Variants in CNTN5 observed in about 807,000 individuals in gnomAD.
CNTN5 encodes contactin 5, also known as contactin-5.
Under a neutral mutation model 129.1 loss-of-function variants are expected in CNTN5, and 77 were observed. The observed-to-expected ratio is 0.60, with a 90% confidence interval of 0.50 to 0.72. CNTN5 has a LOEUF of 0.72. Ranked by LOEUF, CNTN5 falls within the 30% of genes least tolerant of loss-of-function variation. The pLI is 0.00. For missense variants in CNTN5, 1,478 were observed against 1,328.8 expected (o/e 1.11, Z -1.75); for synonymous variants, 509 against 465.6 (o/e 1.09, Z -1.20).
At chr11:100,292,470 A>G (rs1365123642) in intron 18 of CNTN5, among the ~76,000 whole-genome samples, 1 of 151,966 alleles carries the variant, frequency 6.6e-6, no homozygotes, top group African/African-American at 2.4e-5. Flanking sequence ...AGGAACTATT[A>G]TTTATTGTTC....
At chr11:99,979,105 C>T (rs866004145) in intron 8 of CNTN5, among the ~76,000 whole-genome samples, 2 of 152,104 alleles carry the variant, frequency 1.3e-5, no homozygotes, top group South Asian at 2.1e-4. Flanking sequence ...AAGAATCTGG[C>T]ATGCACAGAT....
At chr11:100,308,685 A>C in intron 21 of CNTN5, 1 of 1,146,698 alleles carries the variant, frequency 8.7e-7, no homozygotes, top group South Asian at 4.1e-5. Context: ...CACTATGCAA[A>C]GATGTTTTTA....
chr11:99,614,661 T>G (rs1443204129), intron 3 of CNTN5, among the ~76,000 whole-genome samples: 2 of 152,224 alleles, frequency 1.3e-5, no homozygotes, highest in African/African-American at 4.8e-5. Flanking sequence ...GACAATCTGT[T>G]ACAGATCTTT....
chr11:99,519,839 C>T (rs1296612957), intron 2 of CNTN5, among the ~76,000 whole-genome samples: 2 of 152,090 alleles, frequency 1.3e-5, no homozygotes, highest in African/African-American at 2.4e-5. Context: ...CTCACCCTAA[C>T]TAGACTGCAG....
At chr11:99,655,637 C>T (rs973438216) in intron 3 of CNTN5, among the ~76,000 whole-genome samples, 4 of 152,034 alleles carry the variant, frequency 2.6e-5, no homozygotes, top group South Asian at 4.1e-4. Context: ...GCTTTGAACA[C>T]GGAATACTGA....
At chr11:99,073,379 T>G (rs768955843) in intron 1 of CNTN5, among the ~76,000 whole-genome samples, 2,490 of 147,284 alleles carry the variant, frequency 0.017, 31 homozygotes, top group South Asian at 0.064. Context: ...GTTTGGTTTT[T>G]TTTTTTTTTT....
At chr11:100,298,438 G>A (rs1313454441) in intron 19 of CNTN5, among the ~76,000 whole-genome samples, 2 of 150,942 alleles carry the variant, frequency 1.3e-5, no homozygotes, top group Non-Finnish European at 3.0e-5. Flanking sequence ...TTAATATAAC[G>A]GGCTTTGTTT....
chr11:100,332,957 C>T (rs1174880638), intron 21 of CNTN5, among the ~76,000 whole-genome samples: 1 of 151,952 alleles, frequency 6.6e-6, no homozygotes, highest in Admixed American at 6.6e-5. Flanking sequence ...AATCAGACAA[C>T]AGAAAGAAAT....
At chr11:99,403,281 T>G (rs928995351) in intron 2 of CNTN5, among the ~76,000 whole-genome samples, 1 of 152,156 alleles carries the variant, frequency 6.6e-6, no homozygotes, top group African/African-American at 2.4e-5. Context: ...ATTACAGGCA[T>G]AAGCCACCAC....
At chr11:100,288,767 A>T (rs1299084902) in intron 18 of CNTN5, among the ~76,000 whole-genome samples, 2 of 152,142 alleles carry the variant, frequency 1.3e-5, no homozygotes, top group Non-Finnish European at 2.9e-5. Flanking sequence ...TCAGAGCAGA[A>T]CTGAAGGAAA....
rs888033644 is a variant in CNTN5, at chr11:100,309,738, C to G, written c.2730+1270C>G. ...GCACAATTAGCCCCTTTCTATCCAACCGTAGAAGACACTGTGGTGGTTTGT... is the reference window on the plus strand; with the variant it reads ...GCACAATTAGCCCCTTTCTATCCAAGCGTAGAAGACACTGTGGTGGTTTGT... On this transcript the variant is annotated intron_variant, in intron 21 of 24. Coordinates refer to ENST00000524871, the MANE Select transcript of CNTN5 (RefSeq NM_014361.4). The G allele has an allele frequency of 8.2e-6, 8 of 980,906 alleles. No homozygotes were observed. In the African/African-American group the frequency reaches 1.4e-4, roughly 17 times the overall value. The allele number at this position is 980,906 out of a possible 1,614,324, so 60.8% of individuals were successfully genotyped here.
chr11:99,355,821 GTTTT>G (rs386756715), intron 2 of CNTN5, among the ~76,000 whole-genome samples: 1 of 131,136 alleles, frequency 7.6e-6, no homozygotes, highest in Non-Finnish European at 1.6e-5. Context: ...GTTTTTTTTT[GTTTT>G]TTTTTTTTTT....
At chr11:99,616,433 T>A (rs900096069) in intron 3 of CNTN5, among the ~76,000 whole-genome samples, 1 of 152,190 alleles carries the variant, frequency 6.6e-6, no homozygotes, top group African/African-American at 2.4e-5. Flanking sequence ...TACTTCATGG[T>A]GTTATGATAA....
chr11:99,243,188 G>A (rs1478371458), intron 1 of CNTN5, among the ~76,000 whole-genome samples: 2 of 152,124 alleles, frequency 1.3e-5, no homozygotes, highest in Non-Finnish European at 2.9e-5. Context: ...GGTGTGAGAG[G>A]CATCTCATTG....
At chr11:99,514,915 A>G (rs1311651142) in intron 2 of CNTN5, among the ~76,000 whole-genome samples, 1 of 152,086 alleles carries the variant, frequency 6.6e-6, no homozygotes, top group Admixed American at 6.6e-5. Context: ...CAGTGAGACT[A>G]TGAAGGGTGG....
intron 1 of CNTN5, among the ~76,000 whole-genome samples, chr11:99,110,528 G>T (rs1054222381): frequency 6.6e-6 from 1 of 152,086 alleles, no homozygotes; most frequent in African/African-American, 2.4e-5. Context: ...AGCAAAGGTG[G>T]TACTTCTACT....
intron 3 of CNTN5, among the ~76,000 whole-genome samples, chr11:99,585,435 T>G (rs2851595): frequency 0.91 from 138,410 of 152,192 alleles, 63,104 homozygotes; most frequent in East Asian, 1. Flanking sequence ...TTTACAAAAC[T>G]TATAACAATG....
chr11:99,293,537 G>T (rs188280948), intron 1 of CNTN5, among the ~76,000 whole-genome samples: 56 of 152,250 alleles, frequency 3.7e-4, no homozygotes, highest in African/African-American at 1.3e-3. Flanking sequence ...TAGCAATACA[G>T]CCACTGGGTC....
intron 23 of CNTN5, among the ~76,000 whole-genome samples, chr11:100,346,167 C>G (rs1046299274): frequency 6.6e-6 from 1 of 152,058 alleles, no homozygotes; most frequent in African/African-American, 2.4e-5. Context: ...CTTATTTTTT[C>G]AAATAAATGT....
Sources: gnomAD v4.1 joint callset for allele counts (sites outside exome capture counted in the v4.1 genomes callset) on GRCh38, gnomAD v4.1.1 for gene constraint, MANE v1.5 for transcripts, NCBI Gene and HGNC (gene_info 2026-07-23, HGNC 2026-07-21) for gene names.